SPECC1: variants seen among roughly 807,000 people sequenced by gnomAD.
The protein encoded by SPECC1 is sperm antigen with calponin homology and coiled-coil domains 1, also known as cytospin-B.
Under a neutral mutation model 104.1 loss-of-function variants are expected in SPECC1, and 62 were observed. The observed-to-expected ratio is 0.60, with a 90% CI of 0.49 to 0.74. SPECC1 has a LOEUF of 0.74. Among genes scored for constraint, SPECC1 ranks in the 30% least tolerant of loss-of-function variants. SPECC1 has a pLI of 0.00. For synonymous variants in SPECC1, 513 were observed against 501.6 expected (o/e 1.02, Z -0.30); for missense variants, 1,306 against 1,310.5 (o/e 1.00, Z 0.05).
chr17:20,068,212 C>T (rs1352473177), intron 1 of SPECC1, among the ~76,000 whole-genome samples: 1 of 152,222 alleles, frequency 6.6e-6, no homozygotes, highest in Admixed American at 6.5e-5. Flanking sequence ...CTGCCTGCTT[C>T]AGCCTCCCAA....
chr17:20,299,506 G>A (rs2142064068), intron 13 of SPECC1, among the ~76,000 whole-genome samples: 1 of 136,126 alleles, frequency 7.3e-6, no homozygotes, highest in East Asian at 2.2e-4. Context: ...GCTGTAGCAA[G>A]CCATGATTGT....
chr17:20,283,944 T>C (rs1346689737), intron 12 of SPECC1, among the ~76,000 whole-genome samples: 1 of 152,176 alleles, frequency 6.6e-6, no homozygotes, highest in Non-Finnish European at 1.5e-5. Context: ...GCTATACATA[T>C]ATTGGTTTTA....
chr17:20,193,543 T>C (rs1334495637), intron 3 of SPECC1, among the ~76,000 whole-genome samples: 2 of 152,196 alleles, frequency 1.3e-5, no homozygotes, highest in African/African-American at 4.8e-5. Context: ...TTAGGGTCTC[T>C]TACATTCAGA....
At chr17:20,174,745 G>C (rs1295898209) in intron 3 of SPECC1, among the ~76,000 whole-genome samples, 1 of 152,022 alleles carries the variant, frequency 6.6e-6, no homozygotes, top group Non-Finnish European at 1.5e-5. Context: ...TTCTCGGGGA[G>C]GTGGCTCCCT....
intron 7 of SPECC1, among the ~76,000 whole-genome samples, chr17:20,242,181 A>G (rs1055812459): frequency 6.6e-6 from 1 of 152,260 alleles, no homozygotes. Context: ...TTCCTGGATC[A>G]GAATGAACAA....
chr17:20,201,812 C>T (rs1222652972), intron 3 of SPECC1, among the ~76,000 whole-genome samples: 1 of 151,974 alleles, frequency 6.6e-6, no homozygotes, highest in Non-Finnish European at 1.5e-5. Context: ...GACCCATGAA[C>T]AACACTAGCT....
At chr17:20,265,155 G>A (rs1394744620) in intron 12 of SPECC1, among the ~76,000 whole-genome samples, 1 of 152,184 alleles carries the variant, frequency 6.6e-6, no homozygotes, top group Non-Finnish European at 1.5e-5. Context: ...TGGGTCAAAT[G>A]TTCTATTTTT....
intron 9 of SPECC1, among the ~76,000 whole-genome samples, chr17:20,251,360 G>C (rs1334113084): frequency 6.6e-6 from 1 of 152,036 alleles, no homozygotes; most frequent in East Asian, 1.9e-4. Context: ...ATCTGATAAA[G>C]GGTCTGTATT....
At chr17:20,079,247 T>G (rs556341784) in intron 1 of SPECC1, among the ~76,000 whole-genome samples, 5 of 152,312 alleles carry the variant, frequency 3.3e-5, no homozygotes, top group Admixed American at 1.3e-4. Context: ...GGCACTGTGC[T>G]CCTCACTTTC....
intron 1 of SPECC1, among the ~76,000 whole-genome samples, chr17:20,011,400 T>C (rs962916792): frequency 6.6e-6 from 1 of 152,326 alleles, no homozygotes; most frequent in East Asian, 1.9e-4. Context: ...TGAAATTTAA[T>C]ATATGCTAGC....
intron 3 of SPECC1, among the ~76,000 whole-genome samples, chr17:20,176,380 A>T (rs1326818348): frequency 2.0e-5 from 3 of 152,034 alleles, no homozygotes; most frequent in Non-Finnish European, 4.4e-5. Context: ...TTTCTCACCA[A>T]ATGCAGACAG....
intron 7 of SPECC1, among the ~76,000 whole-genome samples, chr17:20,241,824 GT>G (rs1297269152): frequency 1.3e-5 from 2 of 152,136 alleles, no homozygotes; most frequent in Non-Finnish European, 2.9e-5. Context: ...TGTTAGATTT[GT>G]TTTATGCAAA....
chr17:20,152,220 A>C (rs1415224970), intron 3 of SPECC1, among the ~76,000 whole-genome samples: 2 of 152,172 alleles, frequency 1.3e-5, no homozygotes, highest in Non-Finnish European at 1.5e-5. Context: ...AAATCACTTA[A>C]ACCCAGGAGG....
intron 3 of SPECC1, among the ~76,000 whole-genome samples, chr17:20,169,387 A>G (rs771715262): frequency 6.6e-6 from 1 of 152,218 alleles, no homozygotes; most frequent in Non-Finnish European, 1.5e-5. Flanking sequence ...AAAATCAGAA[A>G]TAGCTGCTGA....
chr17:20,051,167 TCTTTC>T (rs1446464498), intron 1 of SPECC1, among the ~76,000 whole-genome samples: 1 of 149,758 alleles, frequency 6.7e-6, no homozygotes, highest in Non-Finnish European at 1.5e-5. Context: ...CTTCTTTCCT[TCTTTC>T]CTTCTTTCTT....
At chr17:20,025,453 A>T (rs767970302) in intron 1 of SPECC1, among the ~76,000 whole-genome samples, 6 of 152,206 alleles carry the variant, frequency 3.9e-5, no homozygotes, top group Non-Finnish European at 8.8e-5. Flanking sequence ...TTTCCGATGC[A>T]TGGAATCATA....
chr17:20,099,534 A>C (rs1474662868), intron 2 of SPECC1, among the ~76,000 whole-genome samples: 3 of 110,302 alleles, frequency 2.7e-5, no homozygotes, highest in Non-Finnish European at 6.4e-5. Flanking sequence ...AAAAAAAAAA[A>C]AAAAATTAGC....
chr17:20,268,315 TTGTGTG>T (rs2040283555), intron 12 of SPECC1, among the ~76,000 whole-genome samples: 1 of 152,260 alleles, frequency 6.6e-6, no homozygotes, highest in Non-Finnish European at 1.5e-5. Context: ...AAATCAGTCT[TTGTGTG>T]TCCACACTGA....
At chr17:20,078,567 C>G (rs1490253707) in intron 1 of SPECC1, among the ~76,000 whole-genome samples, 1 of 152,018 alleles carries the variant, frequency 6.6e-6, no homozygotes, top group Non-Finnish European at 1.5e-5. Flanking sequence ...TGGGAACTGG[C>G]AATCATAACC....
Sources: gnomAD v4.1 joint callset for allele counts (sites outside exome capture counted in the v4.1 genomes callset) on GRCh38, gnomAD v4.1.1 for gene constraint, MANE v1.5 for transcripts, NCBI Gene and HGNC (gene_info 2026-07-23, HGNC 2026-07-21) for gene names.